The following GLI2 variants were observed in gnomAD, a reference collection of about 807,000 sequenced individuals.
GLI2 encodes transcription activator GLI2.
Under a neutral mutation model 78.9 loss-of-function variants are expected in GLI2, and 22 were observed. The observed-to-expected ratio is 0.28, with a 90% CI of 0.20 to 0.40. The LOEUF is 0.40. Among genes scored for constraint, GLI2 ranks in the 10% least tolerant of loss-of-function variants. The pLI, the probability that GLI2 is intolerant of heterozygous loss-of-function variation, is 1.00. For missense variants in GLI2, 2,097 were observed against 2,213.2 expected (o/e 0.95, Z 1.05); for synonymous variants, 974 against 963.7 (o/e 1.01, Z -0.20).
At chr2:120,761,071 A>G (rs1435402494) in intron 1 of GLI2, among the ~76,000 whole-genome samples, 1 of 152,100 alleles carries the variant, frequency 6.6e-6, no homozygotes, top group Non-Finnish European at 1.5e-5. Context: ...CTTTCCATCT[A>G]TGGCTGGTTT....
chr2:120,818,191 TC>T (rs943530753), intron 2 of GLI2, among the ~76,000 whole-genome samples: 1 of 152,102 alleles, frequency 6.6e-6, no homozygotes, highest in Non-Finnish European at 1.5e-5. Context: ...CCCGCTTTCA[TC>T]CCCGAGGGGT....
chr2:120,781,463 A>T (rs368357654), intron 1 of GLI2, among the ~76,000 whole-genome samples: 6 of 152,008 alleles, frequency 3.9e-5, no homozygotes, highest in Non-Finnish European at 7.4e-5. Flanking sequence ...AACTTCTGAG[A>T]TTTTTCCTAC....
intron 2 of GLI2, among the ~76,000 whole-genome samples, chr2:120,916,813 C>G (rs1264628164): frequency 2.0e-5 from 3 of 152,138 alleles, no homozygotes; most frequent in Admixed American, 6.5e-5. Context: ...TTGATGGGGC[C>G]CAAAGCCTGT....
intron 2 of GLI2, among the ~76,000 whole-genome samples, chr2:120,810,055 G>A (rs941411813): frequency 2.0e-5 from 3 of 152,206 alleles, no homozygotes; most frequent in Non-Finnish European, 4.4e-5. Context: ...CCCAGGGGCG[G>A]GGGCCCTGTG....
intron 2 of GLI2, among the ~76,000 whole-genome samples, chr2:120,879,865 C>A (rs1437149972): frequency 6.6e-6 from 1 of 152,200 alleles, no homozygotes; most frequent in African/African-American, 2.4e-5. Context: ...GCCAGAGAAG[C>A]CAGCCAGTCA....
chr2:120,805,447 C>T (rs369401354), intron 2 of GLI2, among the ~76,000 whole-genome samples: 16 of 152,246 alleles, frequency 1.1e-4, no homozygotes, highest in South Asian at 2.1e-4. Flanking sequence ...CATGCCTGGC[C>T]GGCACTCCTT....
chr2:120,807,383 G>A (rs1184828012), intron 2 of GLI2, among the ~76,000 whole-genome samples: 8 of 152,170 alleles, frequency 5.3e-5, no homozygotes, highest in Admixed American at 5.2e-4. Context: ...GAGGGTCCCT[G>A]GCACACAGTT....
intron 2 of GLI2, among the ~76,000 whole-genome samples, chr2:120,904,992 ACAGTGATTGAAAAAGGCT>A (rs1418712968): frequency 6.6e-6 from 1 of 152,214 alleles, no homozygotes; most frequent in Non-Finnish European, 1.5e-5. Flanking sequence ...GTTGCCACGG[ACAGTGATTGAAAAAGGCT>A]TTTTGCAGGA....
At chr2:120,749,247 C>T (rs1220579703) in intron 1 of GLI2, among the ~76,000 whole-genome samples, 1 of 152,162 alleles carries the variant, frequency 6.6e-6, no homozygotes, top group Non-Finnish European at 1.5e-5. Flanking sequence ...ATGGCATTTT[C>T]CCATTTTCTT....
chr2:120,972,776 G>A, intron 8 of GLI2: 1 of 480,052 alleles, frequency 2.1e-6, no homozygotes, highest in South Asian at 1.5e-5. Flanking sequence ...AGCGGGGAGA[G>A]AAGAGCGGAG....
chr2:120,794,848 C>T (rs570362420), intron 1 of GLI2, among the ~76,000 whole-genome samples: 72 of 152,118 alleles, frequency 4.7e-4, no homozygotes, highest in African/African-American at 1.7e-3. Context: ...AAAAGGAGGC[C>T]CCTGACTCAC....
intron 2 of GLI2, among the ~76,000 whole-genome samples, chr2:120,873,616 C>G (rs1688578547): frequency 6.6e-6 from 1 of 152,178 alleles, no homozygotes; most frequent in African/African-American, 2.4e-5. Flanking sequence ...TTGCAGACCC[C>G]TTGAGGCAGT....
intron 1 of GLI2, among the ~76,000 whole-genome samples, chr2:120,747,686 T>A (rs1382795453): frequency 6.6e-6 from 1 of 152,202 alleles, no homozygotes; most frequent in African/African-American, 2.4e-5. Flanking sequence ...TCAGCCCAAA[T>A]GTCAGCAGTG....
At chr2:120,923,495 C>T (rs193293895) in intron 2 of GLI2, among the ~76,000 whole-genome samples, 500 of 152,094 alleles carry the variant, frequency 3.3e-3, no homozygotes, top group Middle Eastern at 6.8e-3. Context: ...TGCACGTATA[C>T]GCAGTAACAC....
intron 2 of GLI2, among the ~76,000 whole-genome samples, chr2:120,900,595 G>A (rs1678203733): frequency 6.6e-6 from 1 of 152,186 alleles, no homozygotes; most frequent in Non-Finnish European, 1.5e-5. Context: ...GGCCCTATGA[G>A]GGTTCTGTGG....
chr2:120,841,558 T>C (rs1686869779), intron 2 of GLI2, among the ~76,000 whole-genome samples: 1 of 152,276 alleles, frequency 6.6e-6, no homozygotes, highest in South Asian at 2.1e-4. Flanking sequence ...TCAAGAGTGA[T>C]GACTTCTTGA....
rs533575332 is a variant in GLI2 at position 120,796,804 on chromosome 2, G to C, written c.-30-487G>C. 2.6e-5 allele frequency among the ~76,000 whole-genome samples: 4 copies of C among 152,362 alleles called. No individual in the cohort carries two copies. In the South Asian group the frequency reaches 8.3e-4, roughly 32 times the overall value. ...GACTGAGTGCGTGTGAGTCAATAAAGGATGAACATTTATTGAATGAATGGG... is the reference window on the plus strand; with the variant it reads ...GACTGAGTGCGTGTGAGTCAATAAACGATGAACATTTATTGAATGAATGGG... On this transcript the variant is annotated intron_variant, in intron 1 of 13. Transcript: ENST00000361492.
intron 1 of GLI2, among the ~76,000 whole-genome samples, chr2:120,750,156 G>T (rs947119798): frequency 6.6e-6 from 1 of 152,258 alleles, no homozygotes; most frequent in Non-Finnish European, 1.5e-5. Flanking sequence ...TCCCTGTCGT[G>T]AGCCTCAGCC....
At chr2:120,884,238 C>T (rs747929929) in intron 2 of GLI2, among the ~76,000 whole-genome samples, 2 of 152,168 alleles carry the variant, frequency 1.3e-5, no homozygotes, top group Non-Finnish European at 2.9e-5. Flanking sequence ...AGAGTGAGGT[C>T]GTCCGCACGG....
Sources: allele counts gnomAD v4.1 joint callset (sites outside exome capture counted in the v4.1 genomes callset), GRCh38; gene constraint gnomAD v4.1.1; transcripts MANE v1.5; gene names NCBI Gene and HGNC (gene_info 2026-07-23, HGNC 2026-07-21).